The following ATRX variants were observed in gnomAD, a reference collection of about 807,000 sequenced individuals.
ATRX encodes ATRX chromatin remodeler, also known as chromatin remodeler ATRX.
A neutral mutation model predicts 172.6 loss-of-function variants in ATRX; 12 were observed. That is an observed-to-expected ratio of 0.07 (90% CI 0.04 to 0.11). The LOEUF is 0.11. Among genes scored for constraint, ATRX ranks in the 10% least tolerant of loss-of-function variants. The pLI is 1.00. For missense variants in ATRX, 1,368 were observed against 1,767.4 expected, an observed-to-expected ratio of 0.77 and a Z score of 4.05; for synonymous variants, 674 against 594.7, an observed-to-expected ratio of 1.13 and a Z score of -1.94.
chrX:77,717,069 A>AT, intron 2 of ATRX, 62 bp downstream of exon 2: 2 of 954,643 alleles, frequency 2.1e-6, no homozygotes, highest in Admixed American at 2.4e-5. Context: ...GGTTACCTCC[A>AT]TAAGTGTAAA....
chrX:77,601,190 T>G (rs782693714), intron 22 of ATRX, among the ~76,000 whole-genome samples: 6 of 111,106 alleles, frequency 5.4e-5, no homozygotes, highest in African/African-American at 2.0e-4. Flanking sequence ...TCTAGGCAAG[T>G]GACAGTAGCT....
intron 20 of ATRX, among the ~76,000 whole-genome samples, chrX:77,619,886 A>G (rs188501838): frequency 7.1e-4 from 79 of 111,959 alleles, no homozygotes; most frequent in Admixed American, 2.8e-3. Context: ...CAGACATACG[A>G]AAATGAGGGT....
chrX:77,560,890 T>C (rs1337007214), intron 28 of ATRX, among the ~76,000 whole-genome samples: 2 of 111,853 alleles, frequency 1.8e-5, no homozygotes, highest in Admixed American at 9.5e-5. Flanking sequence ...TACAGTAGCA[T>C]AAGGTTGAAA....
At chrX:77,582,322 C>A (rs946764885) in intron 27 of ATRX, among the ~76,000 whole-genome samples, 1 of 109,103 alleles carries the variant, frequency 9.2e-6, no homozygotes, top group East Asian at 2.9e-4. Context: ...ATCATTTGAA[C>A]CTGAGAGGCA....
chrX:77,728,764 CTTT>C (rs200509557), intron 1 of ATRX, among the ~76,000 whole-genome samples: 2 of 94,097 alleles, frequency 2.1e-5, no homozygotes. Flanking sequence ...CTTTTCTTTT[CTTT>C]TTTTTTTTTT....
At chrX:77,700,123 G>A (rs1165912227) in intron 2 of ATRX, among the ~76,000 whole-genome samples, 1 of 110,183 alleles carries the variant, frequency 9.1e-6, no homozygotes, top group Non-Finnish European at 1.9e-5. Context: ...ACTATACAAA[G>A]AATGCTTAAA....
intron 1 of ATRX, among the ~76,000 whole-genome samples, chrX:77,779,091 ATTTTTT>A (rs1169146207): frequency 8.0e-5 from 5 of 62,778 alleles, no homozygotes; most frequent in Non-Finnish European, 1.2e-4. Flanking sequence ...CCATGCCCGG[ATTTTTT>A]TTTTTTTTTT....
intron 1 of ATRX, among the ~76,000 whole-genome samples, chrX:77,776,662 T>A (rs1205875243): frequency 8.9e-6 from 1 of 112,233 alleles, no homozygotes; most frequent in Non-Finnish European, 1.9e-5. Flanking sequence ...GGCACTTTAC[T>A]TTGAAAAAGA....
Position 77,508,077 on chromosome X carries a change from T to C in ATRX, c.*274A>G, listed in dbSNP as rs1216418756. Reference sequence around the variant, plus strand: ...TTTAGAGAGGAAATCTGTGGAGTTGTTACTATTATGGAAGGACTTGTTTTC... The same window carrying C: ...TTTAGAGAGGAAATCTGTGGAGTTGCTACTATTATGGAAGGACTTGTTTTC... On this transcript the variant is annotated 3_prime_UTR_variant, in exon 35 of 35. Coordinates refer to ENST00000373344, the MANE Select transcript of ATRX (RefSeq NM_000489.6). The C allele has an allele frequency of 7.8e-6, 2 of 256,313 alleles. No individual in the cohort carries two copies. The highest frequency in any genetic ancestry group is 5.6e-5 in the African/African-American group (2 of 35,568). The allele number at this position is 256,313 out of a possible 1,213,427, so 21.1% of individuals were successfully genotyped here.
chrX:77,702,792 T>TTA (rs1230691883), intron 2 of ATRX, among the ~76,000 whole-genome samples: 1 of 111,217 alleles, frequency 9.0e-6, no homozygotes, highest in Non-Finnish European at 1.9e-5. Context: ...AGTGGTGCAA[T>TTA]TATAGCTCAC....
intron 21 of ATRX, among the ~76,000 whole-genome samples, chrX:77,617,451 G>C (rs782704203): frequency 9.0e-6 from 1 of 110,929 alleles, no homozygotes; most frequent in African/African-American, 3.3e-5. Context: ...GTATCTATGG[G>C]AGACTGGTTC....
At position 77,508,638 on chromosome X, in the gene ATRX, A is replaced by G. The variant is rs1557034976; in HGVS notation, c.7201-9T>C. ...TGAACACAGCTGATTAACTATAGAG[A>G]AAAAATGGGAGTCATTACAAGTGCA... On this transcript the variant is annotated splice_polypyrimidine_tract_variant and intron_variant, in intron 34 of 34. Transcript: ENST00000373344. 1 of 1,209,679 alleles carries G rather than the reference A, an allele frequency of 8.3e-7. No individual in the cohort carries two copies. The highest frequency in any genetic ancestry group is 1.7e-5 in the African/African-American group (1 of 57,207).
chrX:77,785,392 G>A (rs1557207143), intron 1 of ATRX, among the ~76,000 whole-genome samples: 1 of 109,507 alleles, frequency 9.1e-6, no homozygotes, highest in Non-Finnish European at 1.9e-5. Context: ...TTCAGGATAT[G>A]GAGTAGAAAA....
At chrX:77,613,749 T>C (rs1156680525) in intron 22 of ATRX, among the ~76,000 whole-genome samples, 2 of 112,170 alleles carry the variant, frequency 1.8e-5, no homozygotes, top group African/African-American at 6.5e-5. Flanking sequence ...TTTCTCACAT[T>C]CCATGGGCTA....
intron 16 of ATRX, among the ~76,000 whole-genome samples, chrX:77,635,624 C>T (rs1365396989): frequency 8.9e-6 from 1 of 112,809 alleles, no homozygotes; most frequent in African/African-American, 3.2e-5. Flanking sequence ...TTCCCAACCC[C>T]TAGCTGCCCT....
intron 1 of ATRX, among the ~76,000 whole-genome samples, chrX:77,718,759 A>G (rs782606676): frequency 3.6e-5 from 4 of 110,367 alleles, no homozygotes; most frequent in Non-Finnish European, 5.7e-5. Context: ...TAAGGAAAGT[A>G]TAAGTTTACC....
intron 10 of ATRX, among the ~76,000 whole-genome samples, chrX:77,666,305 A>G (rs1038991066): frequency 8.9e-6 from 1 of 112,084 alleles, no homozygotes; most frequent in Non-Finnish European, 1.9e-5. Context: ...GTTGAGCTAT[A>G]AAGTTTTGCT....
intron 19 of ATRX, among the ~76,000 whole-genome samples, chrX:77,621,332 T>TG (rs1212437920): frequency 1.1e-4 from 12 of 111,427 alleles, no homozygotes; most frequent in Middle Eastern, 9.3e-3. Flanking sequence ...TTATTTGAGA[T>TG]GGAGTCTCCC....
intron 13 of ATRX, among the ~76,000 whole-genome samples, chrX:77,654,663 G>A (rs1166809178): frequency 3.6e-5 from 4 of 111,635 alleles, no homozygotes; most frequent in African/African-American, 1.3e-4. Flanking sequence ...AATAACCACT[G>A]TCAGTAAGGA....
Sources: gnomAD v4.1 joint callset for allele counts (sites outside exome capture counted in the v4.1 genomes callset) on GRCh38, gnomAD v4.1.1 for gene constraint, MANE v1.5 for transcripts, NCBI Gene and HGNC (gene_info 2026-07-23, HGNC 2026-07-21) for gene names.